The following BMPR1B variants were observed in gnomAD, a reference collection of about 807,000 sequenced individuals.
The protein encoded by BMPR1B is bone morphogenetic protein receptor type 1B.
In BMPR1B, 12 loss-of-function variants were observed where a neutral mutation model predicts 59.1. The ratio of observed to expected loss-of-function variants is 0.20; its 90% CI spans 0.13 to 0.33. BMPR1B has a LOEUF of 0.33. Ranked by LOEUF, BMPR1B falls within the 10% of genes least tolerant of loss-of-function variation. The probability of loss-of-function intolerance (pLI) is 1.00; values close to 1 mark genes in which losing one functional copy is unlikely to be tolerated. For synonymous variants in BMPR1B, 237 were observed against 207.3 expected, an observed-to-expected ratio of 1.14 and a Z score of -1.23; for missense variants, 550 against 610.9, an observed-to-expected ratio of 0.90 and a Z score of 1.05.
chr4:94,900,882 A>C (rs2148999757), intron 2 of BMPR1B, among the ~76,000 whole-genome samples: 1 of 152,152 alleles, frequency 6.6e-6, no homozygotes, highest in East Asian at 1.9e-4. Context: ...TAAAGCAAAA[A>C]CCAACCTGAA....
At chr4:95,149,990 A>C (rs1319088686) in intron 11 of BMPR1B, among the ~76,000 whole-genome samples, 1 of 152,208 alleles carries the variant, frequency 6.6e-6, no homozygotes, top group Non-Finnish European at 1.5e-5. Context: ...ATTACTATTA[A>C]TACTTTTCAT....
At chr4:94,761,088 C>T (rs770629513) in intron 1 of BMPR1B, among the ~76,000 whole-genome samples, 3 of 152,158 alleles carry the variant, frequency 2.0e-5, no homozygotes, top group Non-Finnish European at 4.4e-5. Flanking sequence ...CAATTCTTTT[C>T]ACTGGACTCA....
intron 3 of BMPR1B, among the ~76,000 whole-genome samples, chr4:95,001,368 TCTTAA>T (rs764975899): frequency 0.96 from 145,480 of 152,188 alleles, 69,566 homozygotes; most frequent in Middle Eastern, 0.99. Flanking sequence ...AGATGGTATT[TCTTAA>T]TACCATCAAG....
chr4:94,850,106 G>C (rs1256429795), intron 1 of BMPR1B, among the ~76,000 whole-genome samples: 1 of 151,988 alleles, frequency 6.6e-6, no homozygotes, highest in South Asian at 2.1e-4. Flanking sequence ...AGTGGGCTTT[G>C]ACTAAAGAGT....
chr4:94,791,196 C>T (rs1035686465), intron 1 of BMPR1B, among the ~76,000 whole-genome samples: 20 of 152,108 alleles, frequency 1.3e-4, no homozygotes, highest in African/African-American at 4.8e-4. Context: ...ACCATGTTGG[C>T]CAGGCTGGTC....
chr4:94,839,972 C>G (rs1214136313), intron 1 of BMPR1B, among the ~76,000 whole-genome samples: 1 of 150,550 alleles, frequency 6.6e-6, no homozygotes, highest in African/African-American at 2.4e-5. Flanking sequence ...ACAAAAATCT[C>G]TCAGCATTTG....
intron 3 of BMPR1B, among the ~76,000 whole-genome samples, chr4:95,029,410 C>T (rs1724663394): frequency 1.4e-5 from 2 of 147,684 alleles, no homozygotes; most frequent in African/African-American, 5.3e-5. Context: ...ATCCATGTCC[C>T]TACAAAGGAC....
At chr4:95,077,243 G>A (rs2149228640) in intron 3 of BMPR1B, among the ~76,000 whole-genome samples, 1 of 152,242 alleles carries the variant, frequency 6.6e-6, no homozygotes, top group South Asian at 2.1e-4. Context: ...TGGTGATGTA[G>A]TATTATTACT....
intron 3 of BMPR1B, among the ~76,000 whole-genome samples, chr4:95,088,233 C>T (rs1292429638): frequency 6.6e-6 from 1 of 152,056 alleles, no homozygotes; most frequent in African/African-American, 2.4e-5. Context: ...ATAATAGCTC[C>T]TGAAGTGAGT....
intron 1 of BMPR1B, among the ~76,000 whole-genome samples, chr4:94,839,079 A>T (rs1302671187): frequency 8.8e-6 from 1 of 113,712 alleles, no homozygotes; most frequent in Non-Finnish European, 1.8e-5. Flanking sequence ...TTTGAGTGAG[A>T]TTCTTAATCC....
chr4:94,987,477 T>G (rs1721490642), intron 2 of BMPR1B, among the ~76,000 whole-genome samples: 2 of 151,954 alleles, frequency 1.3e-5, no homozygotes, highest in Non-Finnish European at 2.9e-5. Context: ...TAATGAACAG[T>G]GAAAGTCAGT....
At position 94,837,335 on chromosome 4, in the gene BMPR1B, G is replaced by A. The variant is rs532346920; in HGVS notation, c.-182-38496G>A. Reference sequence around the variant, plus strand: ...GCTTGATGAGGATGGCACTGAATCTGTAAATTACCTTGGGCAGTATGGCCA... The same window carrying A: ...GCTTGATGAGGATGGCACTGAATCTATAAATTACCTTGGGCAGTATGGCCA... On this transcript the variant is annotated intron_variant, in intron 1 of 12. Transcript: ENST00000515059. Among the ~76,000 whole-genome samples, 13 of 147,628 alleles carry A rather than the reference G, an allele frequency of 8.8e-5. No homozygotes were observed. The South Asian group carries it at 8.8e-4, about 10-fold the overall frequency.
intron 2 of BMPR1B, among the ~76,000 whole-genome samples, chr4:94,934,377 TATGTATAC>T (rs1729206076): frequency 6.6e-6 from 1 of 151,936 alleles, no homozygotes; most frequent in Admixed American, 6.6e-5. Flanking sequence ...TTCTCCTTTT[TATGTATAC>T]ACCAATCTAC....
chr4:94,994,774 C>T (rs1560585359), intron 2 of BMPR1B, among the ~76,000 whole-genome samples: 1 of 151,368 alleles, frequency 6.6e-6, no homozygotes, highest in Non-Finnish European at 1.5e-5. Context: ...GTAATATTTG[C>T]ATTTACTGGT....
At chr4:94,931,686 T>G (rs1729096555) in intron 2 of BMPR1B, among the ~76,000 whole-genome samples, 1 of 152,014 alleles carries the variant, frequency 6.6e-6, no homozygotes, top group African/African-American at 2.4e-5. Context: ...CCCGTGAAAA[T>G]AGAAAGTGTT....
At chr4:94,927,292 TGTA>T (rs1194539735) in intron 2 of BMPR1B, among the ~76,000 whole-genome samples, 2 of 152,130 alleles carry the variant, frequency 1.3e-5, no homozygotes, top group African/African-American at 4.8e-5. Flanking sequence ...GAGAAATAAT[TGTA>T]GTGCATTTCC....
intron 1 of BMPR1B, among the ~76,000 whole-genome samples, chr4:94,863,467 C>T (rs1726083466): frequency 6.6e-6 from 1 of 152,156 alleles, no homozygotes; most frequent in South Asian, 2.1e-4. Flanking sequence ...CTGCTCTTGC[C>T]AACAGAGTGG....
At chr4:95,020,313 C>T (rs139866203) in intron 3 of BMPR1B, among the ~76,000 whole-genome samples, 2,787 of 152,336 alleles carry the variant, frequency 0.018, 86 homozygotes, top group African/African-American at 0.061. Context: ...GGCGCAGTGG[C>T]TTACGCCTGT....
chr4:95,097,008 T>A (rs941987405), intron 3 of BMPR1B, among the ~76,000 whole-genome samples: 5 of 144,404 alleles, frequency 3.5e-5, no homozygotes, highest in African/African-American at 1.3e-4. Context: ...ATGATATAAA[T>A]TGTATATTAT....
Sources: gnomAD v4.1 joint callset for allele counts (sites outside exome capture counted in the v4.1 genomes callset) on GRCh38, gnomAD v4.1.1 for gene constraint, MANE v1.5 for transcripts, NCBI Gene and HGNC (gene_info 2026-07-23, HGNC 2026-07-21) for gene names.